Variants in NRIP3 observed in about 807,000 individuals in gnomAD.
NRIP3 encodes nuclear receptor interacting protein 3.
NRIP3 carries 31 observed loss-of-function variants against 29.0 expected under a neutral mutation model. The observed-to-expected ratio is 1.07, with a 90% CI of 0.80 to 1.44. The LOEUF is 1.44. NRIP3 is among the 40% of genes most tolerant of loss of function. NRIP3 has a pLI of 0.00. For missense variants in NRIP3, 314 were observed against 297.9 expected (o/e 1.05, Z -0.40); for synonymous variants, 131 against 118.3 (o/e 1.11, Z -0.70).
At chr11:8,991,543 A>G (rs1309053065) in intron 1 of NRIP3, among the ~76,000 whole-genome samples, 1 of 152,248 alleles carries the variant, frequency 6.6e-6, no homozygotes, top group African/African-American at 2.4e-5. Context: ...CAGTAAAAGA[A>G]TAAGTCCTAA....
In NRIP3 at chr11:9,003,984, G is replaced by C; in HGVS notation, c.-49C>G. 1 of 1,425,926 alleles carries C rather than the reference G, an allele frequency of 7.0e-7. No homozygotes were observed. Among genetic ancestry groups the C allele is most frequent in the Non-Finnish European group, 9.2e-7 (1 of 1,084,122 alleles). The allele number at this position is 1,425,926 out of a possible 1,614,324, so 88.3% of individuals were successfully genotyped here. A position where few individuals can be genotyped will look rare whatever the true frequency, so the allele number is the denominator to read the frequency against. On this transcript the variant is annotated 5_prime_UTR_variant, in exon 1 of 7. Coordinates refer to ENST00000309166, the MANE Select transcript of NRIP3 (RefSeq NM_020645.3). ...AGCCCACAGCCCCCCGGCAGCCTCA[G>C]CCTCGAGCTCCTCCAGCGCCGCAAG...
At chr11:8,995,546 C>T (rs1001035623) in intron 1 of NRIP3, among the ~76,000 whole-genome samples, 1 of 152,180 alleles carries the variant, frequency 6.6e-6, no homozygotes, top group Non-Finnish European at 1.5e-5. Flanking sequence ...TGATCTGCTT[C>T]TCCCCATCTT....
rs373501239 is a variant in NRIP3, at chr11:8,983,461, C to A, written c.*84G>T. ...GGACTTGGTCCACAGCAAGTCACTA[C>A]GGCATTTGGTTCAAACCCAGTTTTC... On this transcript the variant is annotated 3_prime_UTR_variant, in exon 7 of 7. Coordinates refer to ENST00000309166, the MANE Select transcript of NRIP3 (RefSeq NM_020645.3). 1 of 1,325,808 alleles carries A rather than the reference C, an allele frequency of 7.5e-7. No homozygotes were observed. The highest frequency in any genetic ancestry group is 1.5e-5 in the African/African-American group (1 of 68,276). 82.1% of individuals were successfully genotyped at this position (1,325,808 alleles called of 1,614,324 possible).
At chr11:8,984,480 C>T (rs1589957986) in intron 4 of NRIP3, among the ~76,000 whole-genome samples, 2 of 152,206 alleles carry the variant, frequency 1.3e-5, no homozygotes, top group Non-Finnish European at 1.5e-5. Context: ...CCAGGCTTCT[C>T]TCGAACTCCT....
intron 1 of NRIP3, among the ~76,000 whole-genome samples, chr11:9,000,138 C>T (rs535677953): frequency 1.3e-5 from 2 of 152,294 alleles, no homozygotes; most frequent in South Asian, 4.2e-4. Context: ...CTGCCCCCAA[C>T]CTATAAACCT....
chr11:8,997,642 T>G (rs1854732905), intron 1 of NRIP3, among the ~76,000 whole-genome samples: 1 of 146,690 alleles, frequency 6.8e-6, no homozygotes, highest in Non-Finnish European at 1.5e-5. Context: ...AAATGAACAC[T>G]ATGGGAAGTG....
chr11:9,003,315 G>A (rs549322642), intron 1 of NRIP3, among the ~76,000 whole-genome samples: 1 of 152,290 alleles, frequency 6.6e-6, no homozygotes, highest in East Asian at 1.9e-4. Flanking sequence ...GAAGTCCTCT[G>A]GATCTGGCAA....
chr11:8,985,239 A>G (rs984195897), intron 4 of NRIP3, among the ~76,000 whole-genome samples: 87 of 135,060 alleles, frequency 6.4e-4, no homozygotes, highest in African/African-American at 2.2e-3. Flanking sequence ...GCACGATCTC[A>G]GCTCACTGCA....
At chr11:8,999,005 G>A (rs1007176934) in intron 1 of NRIP3, among the ~76,000 whole-genome samples, 92 of 151,742 alleles carry the variant, frequency 6.1e-4, no homozygotes, top group Non-Finnish European at 1.0e-3. Flanking sequence ...GGGTTTCACC[G>A]TGTTTGCCAG....
intron 1 of NRIP3, among the ~76,000 whole-genome samples, chr11:8,995,742 A>G (rs977156140): frequency 6.6e-6 from 1 of 152,186 alleles, no homozygotes; most frequent in Non-Finnish European, 1.5e-5. Context: ...ATGGCTTCCC[A>G]TTGTTCTTCA....
At chr11:8,992,015 C>CTA (rs1352905390) in intron 1 of NRIP3, among the ~76,000 whole-genome samples, 1 of 152,198 alleles carries the variant, frequency 6.6e-6, no homozygotes, top group Non-Finnish European at 1.5e-5. Flanking sequence ...CTCTAAAGGA[C>CTA]TATATGGAAG....
intron 1 of NRIP3, among the ~76,000 whole-genome samples, chr11:9,001,260 G>A (rs1854791220): frequency 6.6e-6 from 1 of 152,162 alleles, no homozygotes. Context: ...CTGGGGCCAA[G>A]AGAACATGAC....
chr11:8,987,521 T>G, intron 3 of NRIP3, 27 bp downstream of exon 3: 4 of 1,516,480 alleles, frequency 2.6e-6, no homozygotes, highest in Non-Finnish European at 3.7e-6. Flanking sequence ...CACATCTAAG[T>G]TCCACTCAGC....
In NRIP3 at chr11:8,988,237, A is replaced by T; in HGVS notation, c.220T>A (p.Ser74Thr). The T allele has an allele frequency of 6.2e-7, 1 of 1,614,134 alleles. No homozygotes were observed. Among genetic ancestry groups the T allele is most frequent in the Non-Finnish European group, 8.5e-7 (1 of 1,180,016 alleles). The change falls in exon 2 of 7, where the codon TCT (serine) becomes ACT (threonine). Residue 74 changes from serine to threonine, a missense_variant. Ser to Thr is a moderately conservative substitution (Grantham distance 58). Coordinates refer to ENST00000309166, the MANE Select transcript of NRIP3 (RefSeq NM_020645.3). Reference protein sequence around the residue: ...LQRRLMETNLSKLRSGPRVPW... With the variant: ...LQRRLMETNLTKLRSGPRVPW... ...ACACGGGGACCGCTTCGGAGCTTAG[A>T]CAGGTTGGTTTCCATGAGGCGCCTC...
chr11:8,992,111 G>C (rs527803453), intron 1 of NRIP3, among the ~76,000 whole-genome samples: 1 of 152,316 alleles, frequency 6.6e-6, no homozygotes, highest in Admixed American at 6.5e-5. Flanking sequence ...TTTGCATCTA[G>C]CTGTAAAAGC....
intron 4 of NRIP3, 87 bp from the exon 5 acceptor site, chr11:8,984,211 C>T (rs1854471404): frequency 1.3e-6 from 1 of 771,574 alleles, no homozygotes; most frequent in African/African-American, 1.7e-5. Context: ...TCCATCCATC[C>T]ATCCAATAAC....
chr11:9,003,632 C>T, intron 1 of NRIP3, 130 bp downstream of exon 1: 1 of 902,266 alleles, frequency 1.1e-6, no homozygotes, highest in Non-Finnish European at 1.5e-6. Context: ...GAATCCGCGA[C>T]GCAGCGACCG....
intron 1 of NRIP3, 33 bp downstream of exon 1, chr11:9,003,729 G>C (rs764499799): frequency 6.6e-6 from 9 of 1,374,016 alleles, no homozygotes; most frequent in Non-Finnish European, 8.5e-6. Context: ...CGAAGCCGCC[G>C]GGGCCGGGGC....
intron 1 of NRIP3, among the ~76,000 whole-genome samples, chr11:9,000,756 C>T (rs1589965737): frequency 6.8e-6 from 1 of 148,000 alleles, no homozygotes; most frequent in East Asian, 1.9e-4. Context: ...ATGTTTTTCT[C>T]CAGCTTCACT....
Sources: allele counts gnomAD v4.1 joint callset (sites outside exome capture counted in the v4.1 genomes callset), GRCh38; gene constraint gnomAD v4.1.1; transcripts MANE v1.5; gene names NCBI Gene and HGNC (gene_info 2026-07-23, HGNC 2026-07-21).